The following TNRC18 variants were observed in gnomAD, a reference collection of about 807,000 sequenced individuals.
TNRC18 encodes the protein trinucleotide repeat containing 18.
Under a neutral mutation model 226.7 loss-of-function variants are expected in TNRC18, and 69 were observed. The observed-to-expected ratio is 0.30, with a 90% CI of 0.25 to 0.37. The LOEUF (loss-of-function observed/expected upper bound fraction) is 0.37, where lower values mean the gene tolerates loss of function less well. TNRC18 is among the 10% of genes least tolerant of loss of function. The pLI, the probability that TNRC18 is intolerant of heterozygous loss-of-function variation, is 1.00. For missense variants in TNRC18, 4,754 were observed against 4,256.6 expected (o/e 1.12, Z -3.25); for synonymous variants, 2,449 against 1,927.6 (o/e 1.27, Z -7.09).
At chr7:5,334,948 C>T (rs1174643812) in intron 18 of TNRC18, among the ~76,000 whole-genome samples, 1 of 152,044 alleles carries the variant, frequency 6.6e-6, no homozygotes, top group Non-Finnish European at 1.5e-5. Context: ...AAATAGAGTC[C>T]CGCTGACCTC....
At chr7:5,398,729 A>G (rs1484412515) in intron 2 of TNRC18, among the ~76,000 whole-genome samples, 1 of 151,614 alleles carries the variant, frequency 6.6e-6, no homozygotes, top group East Asian at 2.0e-4. Flanking sequence ...TCAATCCTCC[A>G]GCCTCAGCCT....
At position 5,357,251 on chromosome 7, in the gene TNRC18, G is replaced by T. The variant is rs1299703050; in HGVS notation, c.4859C>A (p.Ala1620Asp). Reference protein sequence around the residue: ...SQLKIKKKKMASDQEQLASKL... With the variant: ...SQLKIKKKKMDSDQEQLASKL... ...GCTTGCCAACTGCTCCTGGTCGCTGGCCATCTTCTTCTTCTTAATCTTTAG... is the reference window on the plus strand; with the variant it reads ...GCTTGCCAACTGCTCCTGGTCGCTGTCCATCTTCTTCTTCTTAATCTTTAG... The change falls in exon 16 of 30, where the codon GCC becomes GAC. Residue 1620 changes from alanine to aspartate, a missense_variant. By Grantham distance (126) the Ala-to-Asp change is moderately radical. Coordinates refer to ENST00000430969, the MANE Select transcript of TNRC18 (RefSeq NM_001080495.3). 4 of 1,611,598 alleles carry T rather than the reference G, an allele frequency of 2.5e-6. No individual in the cohort carries two copies. The East Asian group carries it at 8.9e-5, about 36-fold the overall frequency.
chr7:5,362,503 C>A (rs1322079414), intron 12 of TNRC18, 147 bp downstream of exon 12: 3 of 740,204 alleles, frequency 4.1e-6, no homozygotes, highest in African/African-American at 1.8e-5. Flanking sequence ...TGGGACCACA[C>A]AGCACATCAG....
At chr7:5,367,294 G>A (rs1351882763) in intron 11 of TNRC18, among the ~76,000 whole-genome samples, 9 of 152,046 alleles carry the variant, frequency 5.9e-5, no homozygotes, top group Non-Finnish European at 1.2e-4. Flanking sequence ...GAACCCAGGA[G>A]GCAGAGCTTG....
rs535283422 is a variant in TNRC18, at chr7:5,403,175, T to G, written c.188-8580A>C. ...TACATTTTATCTTCACTTTTTTTTT[T>G]TTTTGAGACAGAGTTTCACTTGTTG... On this transcript the variant is annotated intron_variant, in intron 2 of 29. Transcript: ENST00000430969. Among the ~76,000 whole-genome samples the G allele has an allele frequency of 3.2e-3, 479 of 151,984 alleles. 7 individuals are homozygous for G. The highest frequency in any genetic ancestry group is 0.011 in the African/African-American group (442 of 41,396).
intron 5 of TNRC18, among the ~76,000 whole-genome samples, chr7:5,381,640 AGAAAG>A (rs1217301354): frequency 4.6e-5 from 7 of 152,120 alleles, no homozygotes; most frequent in African/African-American, 1.7e-4. Flanking sequence ...AAAAAGAAAA[AGAAAG>A]GAAAGAAGGA....
chr7:5,344,501 G>T (rs573449891), intron 18 of TNRC18, among the ~76,000 whole-genome samples: 1 of 152,286 alleles, frequency 6.6e-6, no homozygotes, highest in African/African-American at 2.4e-5. Flanking sequence ...GGAGCCTGGC[G>T]TGGGTGCCAC....
In TNRC18 at chr7:5,312,708, G is replaced by C. The variant is rs569812690; in HGVS notation, c.8183C>G (p.Ala2728Gly). 6.3e-7 allele frequency: 1 copy of C among 1,584,004 alleles called. No individual in the cohort carries two copies. The highest frequency in any genetic ancestry group is 1.4e-5 in the African/African-American group (1 of 74,002). The change falls in exon 27 of 30, where the codon GCG (alanine) becomes GGG (glycine). Residue 2728 changes from alanine to glycine, a missense_variant. Ala to Gly is a moderately conservative substitution (Grantham distance 60). Coordinates refer to ENST00000430969, the MANE Select transcript of TNRC18 (RefSeq NM_001080495.3). This position sits in a 1 kb window ranked among gnomAD's most constrained non-coding sequence, Gnocchi z 6.3. ...GKKTPAPQPQAPPPQPTQPLQ... is the reference protein window; with the variant it reads ...GKKTPAPQPQGPPPQPTQPLQ... The stretch of plus-strand genomic sequence containing the variant: ...AGGCTGTGTGGGCTGCGGAGGAGGC[G>C]CCTGGGGCTGGGGCGCGGGCGTCTT...
chr7:5,374,927 G>A (rs556223657), intron 9 of TNRC18, among the ~76,000 whole-genome samples: 29 of 152,380 alleles, frequency 1.9e-4, no homozygotes, highest in African/African-American at 7.0e-4. Context: ...AAGAGGGCAG[G>A]AGGAAGCCAG....
rs750201644 is a variant in TNRC18 at position 5,371,085 on chromosome 7, G to A, written c.3509C>T (p.Thr1170Ile). Residue 1170 changes from threonine (T) to isoleucine (I), a missense_variant, in exon 11 of 30, where the codon ACA becomes ATA. Physicochemically the swap from Thr to Ile is moderately conservative, Grantham distance 89. Coordinates refer to ENST00000430969, the MANE Select transcript of TNRC18 (RefSeq NM_001080495.3). Reference protein sequence around the residue: ...AEVEDMDEGPTELPPLESPLP... With the variant: ...AEVEDMDEGPIELPPLESPLP... ...CGGCGACTCCAGAGGCGGCAGCTCTGTGGGGCCCTCGTCCATGTCCTCCAC... is the reference window on the plus strand; with the variant it reads ...CGGCGACTCCAGAGGCGGCAGCTCTATGGGGCCCTCGTCCATGTCCTCCAC... 1.2e-6 allele frequency: 2 copies of A among 1,611,932 alleles called. No homozygotes were observed. The highest frequency in any genetic ancestry group is 8.5e-7 in the Non-Finnish European group (1 of 1,179,684).
intron 17 of TNRC18, among the ~76,000 whole-genome samples, chr7:5,350,862 G>C (rs1357817323): frequency 6.6e-6 from 1 of 152,204 alleles, no homozygotes; most frequent in Non-Finnish European, 1.5e-5. Flanking sequence ...CCTTGATGCG[G>C]CAACGGAGCC....
intron 5 of TNRC18, among the ~76,000 whole-genome samples, chr7:5,385,290 C>G (rs1779680607): frequency 6.6e-6 from 1 of 152,060 alleles, no homozygotes; most frequent in African/African-American, 2.4e-5. Flanking sequence ...AGATCGAGAC[C>G]ATCCTGGCTA....
At chr7:5,319,710 C>T (rs1323577648) in intron 24 of TNRC18, among the ~76,000 whole-genome samples, 1 of 152,022 alleles carries the variant, frequency 6.6e-6, no homozygotes, top group East Asian at 1.9e-4. Context: ...GGTTTTACCA[C>T]GTTGGCCAAG....
At chr7:5,346,028 G>A (rs1791155730) in intron 17 of TNRC18, among the ~76,000 whole-genome samples, 1 of 152,246 alleles carries the variant, frequency 6.6e-6, no homozygotes, top group Non-Finnish European at 1.5e-5. Context: ...ATCCCAGAAA[G>A]CCCGGAGGTG....
chr7:5,350,122 TG>T (rs1258972208), intron 17 of TNRC18, among the ~76,000 whole-genome samples: 1 of 108,664 alleles, frequency 9.2e-6, no homozygotes, highest in African/African-American at 3.6e-5. Flanking sequence ...ATGGGGGAGA[TG>T]GGGGAAAGGG....
chr7:5,315,859 A>G lies in TNRC18; in HGVS notation c.6862+97T>C, dbSNP rs576153009. 207 of 899,256 alleles carry G rather than the reference A, an allele frequency of 2.3e-4. 2 individuals are homozygous for G. In the South Asian group the frequency reaches 3.1e-3, roughly 13 times the overall value. 55.7% of individuals were successfully genotyped at this position (899,256 alleles called of 1,614,324 possible). A position where few individuals can be genotyped will look rare whatever the true frequency, so the allele number is the denominator to read the frequency against. Reference sequence around the variant, plus strand: ...GCTGCTTCCATCACCTGTGGCTCCAAATGACTTCAGACAGAGCTCAGAGCC... The same window carrying G: ...GCTGCTTCCATCACCTGTGGCTCCAGATGACTTCAGACAGAGCTCAGAGCC... On this transcript the variant is annotated intron_variant, in intron 25 of 29. Transcript: ENST00000430969.
chr7:5,347,101 G>A (rs570644518), intron 17 of TNRC18, among the ~76,000 whole-genome samples: 14 of 152,052 alleles, frequency 9.2e-5, no homozygotes, highest in Non-Finnish European at 2.1e-4. Context: ...CCAGCCCTCT[G>A]AGAGGCTGAG....
At chr7:5,405,692 G>A (rs763457523) in intron 2 of TNRC18, among the ~76,000 whole-genome samples, 13 of 152,110 alleles carry the variant, frequency 8.5e-5, no homozygotes, top group African/African-American at 1.7e-4. Context: ...GCAATGAGCC[G>A]AGATCATACC....
intron 2 of TNRC18, among the ~76,000 whole-genome samples, chr7:5,398,201 G>A (rs1207528398): frequency 1.3e-5 from 2 of 150,884 alleles, no homozygotes; most frequent in Admixed American, 6.6e-5. Flanking sequence ...TGGGAGTTTC[G>A]CTCTTGTTGC....
Sources: gnomAD v4.1 joint callset for allele counts (sites outside exome capture counted in the v4.1 genomes callset) on GRCh38, gnomAD v4.1.1 for gene constraint, Gnocchi (gnomAD v3.1) non-coding constraint, MANE v1.5 for transcripts, NCBI Gene and HGNC (gene_info 2026-07-23, HGNC 2026-07-21) for gene names.